The following ZNF83 variants were observed in gnomAD, a reference collection of about 807,000 sequenced individuals.
ZNF83 encodes the protein zinc finger protein 83.
For synonymous variants in ZNF83, 209 were observed against 213.0 expected, an observed-to-expected ratio of 0.98 and a Z score of 0.17; for missense variants, 552 against 629.9, an observed-to-expected ratio of 0.88 and a Z score of 1.32.
chr19:52,614,371 G>A, exon 3 of ZNF83: 1 of 1,612,966 alleles, frequency 6.2e-7, no homozygotes. Context: ...AGAAATGTGG[G>A]TTTTGACAGT....
chr19:52,674,963 T>TACC (rs1020623828), intron 1 of ZNF83, among the ~76,000 whole-genome samples: 1 of 152,166 alleles, frequency 6.6e-6, no homozygotes, highest in Non-Finnish European at 1.5e-5. Context: ...TCAAGTGATC[T>TACC]ACCCACCTTG....
At chr19:52,628,190 T>C (rs187909878) in intron 2 of ZNF83, among the ~76,000 whole-genome samples, 1 of 152,298 alleles carries the variant, frequency 6.6e-6, no homozygotes, top group African/African-American at 2.4e-5. Context: ...CGGACACGCA[T>C]GAAATTTGGT....
At chr19:52,683,501 C>T (rs2061961352) in intron 1 of ZNF83, among the ~76,000 whole-genome samples, 1 of 41,300 alleles carries the variant, frequency 2.4e-5, no homozygotes, top group Non-Finnish European at 4.8e-5. Context: ...ACCTTCTCCC[C>T]ACCCTTCCTG....
chr19:52,689,052 GTTC>G (rs1020589992), intron 1 of ZNF83, among the ~76,000 whole-genome samples: 4 of 151,738 alleles, frequency 2.6e-5, no homozygotes, highest in Non-Finnish European at 5.9e-5. Flanking sequence ...TATTTAGTCA[GTTC>G]TTGTTTTTCC....
Position 52,615,688 on chromosome 19 carries a change from C to T in ZNF83, c.-233-891G>A, listed in dbSNP as rs570908009. ...TTATGCATTTTGATCTTGGACTTCA[C>T]TGCTTACAGGTTTATGAGAAATTAT... On this transcript the variant is annotated intron_variant, in intron 2 of 2. Transcript: ENST00000301096. 8.5e-5 allele frequency among the ~76,000 whole-genome samples: 13 copies of T among 152,320 alleles called. No homozygotes were observed. The South Asian group carries it at 2.7e-3, about 32-fold the overall frequency.
intron 3 of ZNF83, among the ~76,000 whole-genome samples, chr19:52,647,136 G>A (rs370841889): frequency 1.3e-4 from 19 of 151,802 alleles, no homozygotes; most frequent in African/African-American, 2.4e-4. Context: ...CCACCTCACC[G>A]CCCCACTTCC....
chr19:52,624,584 C>T (rs188859527), intron 2 of ZNF83, among the ~76,000 whole-genome samples: 95 of 152,304 alleles, frequency 6.2e-4, no homozygotes, highest in African/African-American at 2.2e-3. Context: ...GCTCTGGAGA[C>T]TGCTCCCACA....
intron 3 of ZNF83, chr19:52,652,316 G>A (rs967095224): frequency 2.2e-4 from 57 of 259,304 alleles, no homozygotes; most frequent in African/African-American, 1.3e-3. Context: ...CATGCTTGTA[G>A]TCCCAGCTAC....
chr19:52,670,358 G>A (rs2061708733), intron 1 of ZNF83, among the ~76,000 whole-genome samples: 2 of 152,178 alleles, frequency 1.3e-5, no homozygotes, highest in African/African-American at 4.8e-5. Flanking sequence ...CTCGCCAATA[G>A]GGGAATGACA....
rs1214549017 is a variant in ZNF83 at position 52,687,616 on chromosome 19, G to GTATATATATATATAATGTATATATATA, written c.-283+2800_-283+2826dup. On this transcript the variant is annotated intron_variant, in intron 1 of 5. Coordinates refer to the ZNF83 transcript ENST00000594682. ...TATATAATGTATATATATATAATGT[G>GTATATATATATATAATGTATATATATA]TATATATATATATAATGTATATATA... Among the ~76,000 whole-genome samples, 33 of 15,820 alleles carry GTATATATATATATAATGTATATATATA rather than the reference G, an allele frequency of 2.1e-3. 3 individuals carry two copies. Among genetic ancestry groups the GTATATATATATATAATGTATATATATA allele is most frequent in the South Asian group, 8.9e-3 (5 of 564 alleles). The allele number at this position is 15,820 out of a possible 152,430, so 10.4% of individuals were successfully genotyped here.
intron 2 of ZNF83, among the ~76,000 whole-genome samples, chr19:52,627,955 CTCCTGGCTCA>C (rs1774755259): frequency 1.3e-5 from 2 of 152,104 alleles, no homozygotes; most frequent in Non-Finnish European, 2.9e-5. Context: ...GAAATTCCTT[CTCCTGGCTCA>C]TCCTGGCTCA....
intron 1 of ZNF83, 60 bp from the exon 2 acceptor site, chr19:52,635,213 TAAC>T (rs2061106930): frequency 3.7e-6 from 2 of 542,220 alleles, no homozygotes; most frequent in African/African-American, 1.9e-5. Flanking sequence ...TCCTGTAACA[TAAC>T]AACACATACA....
intron 3 of ZNF83, chr19:52,653,942 A>G (rs2061475741): frequency 2.4e-5 from 28 of 1,159,402 alleles, no homozygotes; most frequent in Non-Finnish European, 3.4e-5. Flanking sequence ...ATTTGTGTCA[A>G]TAATGAAGAA....
At position 52,687,635 on chromosome 19, in the gene ZNF83, A is replaced by ATATATATATATATATATATATAATG. The variant is rs1479942885; in HGVS notation, c.-283+2783_-283+2807dup. ...TAATGTGTATATATATATATAATGT[A>ATATATATATATATATATATATAATG]TATATATATATATATATATATAATG... On this transcript the variant is annotated intron_variant, in intron 1 of 5. Transcript: ENST00000594682. Among the ~76,000 whole-genome samples, 18 of 14,728 alleles carry ATATATATATATATATATATATAATG rather than the reference A, an allele frequency of 1.2e-3. 2 individuals are homozygous for ATATATATATATATATATATATAATG. The highest frequency in any genetic ancestry group is 2.3e-3 in the Non-Finnish European group (18 of 7,850). The allele number at this position is 14,728 out of a possible 152,430, so 9.7% of individuals were successfully genotyped here. A position where few individuals can be genotyped will look rare whatever the true frequency, so the allele number is the denominator to read the frequency against.
At chr19:52,631,707 C>T (rs973477392) in intron 2 of ZNF83, among the ~76,000 whole-genome samples, 19 of 152,144 alleles carry the variant, frequency 1.2e-4, no homozygotes. Context: ...CACCATTTCC[C>T]CATATTTCCT....
chr19:52,677,856 A>ACCCCATCT (rs931619109), intron 1 of ZNF83, among the ~76,000 whole-genome samples: 7 of 151,730 alleles, frequency 4.6e-5, no homozygotes, highest in Admixed American at 4.6e-4. Flanking sequence ...GCATGCTGAA[A>ACCCCATCT]CCCCATCTCT....
upstream of ZNF83, among the ~76,000 whole-genome samples, chr19:52,641,052 C>A (rs1485512436): frequency 6.6e-6 from 1 of 151,734 alleles, no homozygotes; most frequent in Non-Finnish European, 1.5e-5. Flanking sequence ...GGCCCCCACC[C>A]TTCAGAACAA....
chr19:52,660,047 G>A (rs1244478645), intron 2 of ZNF83, among the ~76,000 whole-genome samples: 2 of 151,982 alleles, frequency 1.3e-5, no homozygotes, highest in African/African-American at 2.4e-5. Flanking sequence ...AAAAATTAGC[G>A]GGGTGTGGTG....
chr19:52,669,812 G>A (rs1247744759), intron 1 of ZNF83, among the ~76,000 whole-genome samples: 1 of 152,160 alleles, frequency 6.6e-6, no homozygotes, highest in East Asian at 1.9e-4. Context: ...GGTTGGTGCA[G>A]AGGCTCATAA....
Sources: gnomAD v4.1 joint callset for allele counts (sites outside exome capture counted in the v4.1 genomes callset) on GRCh38, gnomAD v4.1.1 for gene constraint, MANE v1.5 for transcripts, NCBI Gene and HGNC (gene_info 2026-07-23, HGNC 2026-07-21) for gene names.